KCNQ5: variants seen among roughly 807,000 people sequenced by gnomAD.
KCNQ5 encodes the protein potassium voltage-gated channel subfamily Q member 5.
Under a neutral mutation model 98.2 loss-of-function variants are expected in KCNQ5, and 30 were observed. That is an observed-to-expected ratio of 0.31 (90% CI 0.23 to 0.41). KCNQ5 has a LOEUF of 0.41. Among genes scored for constraint, KCNQ5 ranks in the 10% least tolerant of loss-of-function variants. The probability of loss-of-function intolerance (pLI) is 1.00; values close to 1 mark genes in which losing one functional copy is unlikely to be tolerated. For missense variants in KCNQ5, 835 were observed against 1,182.5 expected (o/e 0.71, Z 4.31); for synonymous variants, 458 against 449.4 (o/e 1.02, Z -0.24).
chr6:73,130,270 TATG>T (rs1417739977), intron 9 of KCNQ5, among the ~76,000 whole-genome samples: 3 of 152,234 alleles, frequency 2.0e-5, no homozygotes, highest in Non-Finnish European at 4.4e-5. Flanking sequence ...ACTGTGGGGT[TATG>T]ATGATGCCAC....
chr6:73,041,889 T>C, intron 2 of KCNQ5, 47 bp from the exon 3 acceptor site: 1 of 1,611,282 alleles, frequency 6.2e-7, no homozygotes, highest in Non-Finnish European at 8.5e-7. Flanking sequence ...CTTACTGTGG[T>C]TTGCTCCATA....
rs188855923 is a variant in KCNQ5, at chr6:73,148,024, T to C, written c.1468+14383T>C. ...TTGAATAAAGATAGTATATATAACATATGCAATTAAAAAGAAGAAAGAAAA... is the reference window on the plus strand; with the variant it reads ...TTGAATAAAGATAGTATATATAACACATGCAATTAAAAAGAAGAAAGAAAA... On this transcript the variant is annotated intron_variant, in intron 10 of 13. Coordinates refer to ENST00000370398, the MANE Select transcript of KCNQ5 (RefSeq NM_019842.4). Among the ~76,000 whole-genome samples the C allele has an allele frequency of 3.5e-3, 525 of 152,104 alleles. 3 individuals are homozygous for C. The highest frequency in any genetic ancestry group is 0.012 in the African/African-American group (492 of 41,422).
At chr6:72,987,993 G>C (rs996017672) in intron 1 of KCNQ5, among the ~76,000 whole-genome samples, 1 of 152,168 alleles carries the variant, frequency 6.6e-6, no homozygotes, top group African/African-American at 2.4e-5. Context: ...TGGAGACTAA[G>C]GACAAGGACA....
At chr6:73,125,951 C>T (rs1775974112) in intron 9 of KCNQ5, among the ~76,000 whole-genome samples, 1 of 152,152 alleles carries the variant, frequency 6.6e-6, no homozygotes. Context: ...TCATTAGATT[C>T]GGAATAGTCT....
At chr6:73,147,718 G>C (rs1776980700) in intron 10 of KCNQ5, among the ~76,000 whole-genome samples, 1 of 152,066 alleles carries the variant, frequency 6.6e-6, no homozygotes, top group Admixed American at 6.6e-5. Flanking sequence ...CAAATAAATG[G>C]TTTACTATTT....
At chr6:72,736,394 A>G (rs1007309891) in intron 1 of KCNQ5, among the ~76,000 whole-genome samples, 1 of 152,184 alleles carries the variant, frequency 6.6e-6, no homozygotes, top group Non-Finnish European at 1.5e-5. Context: ...AAAAAGATGA[A>G]TATAAATTGC....
chr6:72,977,711 C>G (rs1419082798), intron 1 of KCNQ5, among the ~76,000 whole-genome samples: 1 of 152,140 alleles, frequency 6.6e-6, no homozygotes, highest in African/African-American at 2.4e-5. Context: ...TCAACTCTCC[C>G]CGCTTCTGCA....
intron 1 of KCNQ5, among the ~76,000 whole-genome samples, chr6:72,850,030 G>A (rs1777182643): frequency 6.6e-6 from 1 of 152,142 alleles, no homozygotes. Flanking sequence ...GTCAACTTAT[G>A]CTGGTTTCCT....
At chr6:72,726,098 T>A (rs531530551) in intron 1 of KCNQ5, among the ~76,000 whole-genome samples, 3 of 116,900 alleles carry the variant, frequency 2.6e-5, no homozygotes, top group African/African-American at 4.4e-5. Flanking sequence ...AAAAAATTGA[T>A]GTTTGGTAAA....
chr6:73,115,566 G>GGAT (rs1775456732), intron 7 of KCNQ5, among the ~76,000 whole-genome samples: 1 of 152,116 alleles, frequency 6.6e-6, no homozygotes, highest in South Asian at 2.1e-4. Flanking sequence ...ACAAGAATAA[G>GGAT]GATGACATAG....
intron 1 of KCNQ5, chr6:72,630,694 A>G (rs933611203): frequency 3.3e-5 from 5 of 152,216 alleles, no homozygotes; most frequent in African/African-American, 1.2e-4. Context: ...ATATGTGTAC[A>G]TAATGTTTAA....
At chr6:72,797,967 A>C (rs957086038) in intron 1 of KCNQ5, among the ~76,000 whole-genome samples, 4 of 152,234 alleles carry the variant, frequency 2.6e-5, no homozygotes, top group African/African-American at 9.6e-5. Context: ...ACTGAGGAAA[A>C]ACAAATAAAT....
intron 1 of KCNQ5, among the ~76,000 whole-genome samples, chr6:72,749,139 A>C (rs16882811): frequency 0.014 from 2,196 of 152,236 alleles, 43 homozygotes; most frequent in African/African-American, 0.048. Context: ...CCATGATAGA[A>C]CCTTACAATT....
intron 7 of KCNQ5, among the ~76,000 whole-genome samples, chr6:73,112,467 T>C (rs1775286580): frequency 6.6e-6 from 1 of 151,380 alleles, no homozygotes; most frequent in African/African-American, 2.4e-5. Context: ...TGCCTCAGCC[T>C]CCCGAGTAGC....
At chr6:73,122,372 C>T (rs1346581361) in intron 8 of KCNQ5, among the ~76,000 whole-genome samples, 1 of 152,164 alleles carries the variant, frequency 6.6e-6, no homozygotes, top group African/African-American at 2.4e-5. Flanking sequence ...AATAATGAGT[C>T]AAATTCCCCC....
At position 73,198,059 on chromosome 6, in the gene KCNQ5, GTTACTCTCTGTGGAAAT is replaced by G. The variant is rs1407780169; in HGVS notation, c.*2646_*2662del. The G allele has an allele frequency of 1.3e-5, 2 of 152,152 alleles. No homozygotes were observed. Among genetic ancestry groups the G allele is most frequent in the Non-Finnish European group, 2.9e-5 (2 of 68,026 alleles). 9.4% of individuals were successfully genotyped at this position (152,152 alleles called of 1,614,324 possible). On this transcript the variant is annotated 3_prime_UTR_variant, in exon 14 of 14. Coordinates refer to ENST00000370398, the MANE Select transcript of KCNQ5 (RefSeq NM_019842.4). ...GAAGCTATAAGGTTCTGTCTGTCGT[GTTACTCTCTGTGGAAAT>G]GAGAGGGGTCTCCCATTTACACTAA...
At chr6:72,736,657 G>A (rs1464125157) in intron 1 of KCNQ5, among the ~76,000 whole-genome samples, 1 of 148,936 alleles carries the variant, frequency 6.7e-6, no homozygotes, top group Non-Finnish European at 1.5e-5. Context: ...CCGCCACCAC[G>A]CCCGGCTAAT....
intron 1 of KCNQ5, among the ~76,000 whole-genome samples, chr6:72,911,924 A>G (rs1779956697): frequency 6.6e-6 from 1 of 152,094 alleles, no homozygotes; most frequent in Non-Finnish European, 1.5e-5. Context: ...AGTTTTGCTG[A>G]TGGCTTCTGT....
At chr6:72,759,786 C>G (rs1246242929) in intron 1 of KCNQ5, among the ~76,000 whole-genome samples, 3 of 151,922 alleles carry the variant, frequency 2.0e-5, no homozygotes, top group Non-Finnish European at 4.4e-5. Context: ...TAAATATTTT[C>G]TAGTCACATT....
Sources: gnomAD v4.1 joint callset for allele counts (sites outside exome capture counted in the v4.1 genomes callset) on GRCh38, gnomAD v4.1.1 for gene constraint, MANE v1.5 for transcripts, NCBI Gene and HGNC (gene_info 2026-07-23, HGNC 2026-07-21) for gene names.